PGGT1B: variants seen among roughly 807,000 people sequenced by gnomAD.
PGGT1B encodes geranylgeranyl transferase type-1 subunit beta.
Under a neutral mutation model 46.1 loss-of-function variants are expected in PGGT1B, and 30 were observed. The observed-to-expected ratio is 0.65, with a 90% CI of 0.49 to 0.88. The LOEUF is 0.88. Ranked by LOEUF, PGGT1B falls within the 40% of genes least tolerant of loss-of-function variation. PGGT1B has a pLI of 0.00. For synonymous variants in PGGT1B, 170 were observed against 160.0 expected (o/e 1.06, Z -0.47); for missense variants, 376 against 455.9 (o/e 0.82, Z 1.60).
intron 6 of PGGT1B, among the ~76,000 whole-genome samples, chr5:115,227,277 A>G (rs545991224): frequency 3.3e-5 from 5 of 152,314 alleles, no homozygotes; most frequent in Admixed American, 2.0e-4. Flanking sequence ...TACTGTGTCA[A>G]CTTGGCTAAG....
At chr5:115,226,017 T>G (rs1350653336) in intron 6 of PGGT1B, among the ~76,000 whole-genome samples, 4 of 150,334 alleles carry the variant, frequency 2.7e-5, no homozygotes, top group Non-Finnish European at 4.4e-5. Flanking sequence ...GAAGTAGAGA[T>G]ATTTTAAAAG....
intron 5 of PGGT1B, among the ~76,000 whole-genome samples, chr5:115,235,039 G>T (rs1193395028): frequency 6.6e-6 from 1 of 151,934 alleles, no homozygotes; most frequent in East Asian, 1.9e-4. Context: ...TCAAAGAAAT[G>T]ACTGATTCCA....
chr5:115,213,702 G>C (rs545881659), intron 8 of PGGT1B, among the ~76,000 whole-genome samples: 2 of 152,158 alleles, frequency 1.3e-5, no homozygotes, highest in Non-Finnish European at 2.9e-5. Flanking sequence ...GCCTAGGGAG[G>C]TTGAGGCTGC....
intron 7 of PGGT1B, among the ~76,000 whole-genome samples, chr5:115,219,057 C>G (rs568538170): frequency 6.3e-4 from 96 of 151,992 alleles, no homozygotes; most frequent in Non-Finnish European, 1.3e-3. Context: ...CAATGCAATT[C>G]CCATCAAAAT....
intron 2 of PGGT1B, among the ~76,000 whole-genome samples, chr5:115,247,319 A>G (rs1214760724): frequency 6.6e-6 from 1 of 152,180 alleles, no homozygotes; most frequent in Non-Finnish European, 1.5e-5. Flanking sequence ...GAAATATAAA[A>G]TTGCATTCAA....
At chr5:115,256,921 CT>C (rs1467791492) in intron 1 of PGGT1B, among the ~76,000 whole-genome samples, 3 of 152,186 alleles carry the variant, frequency 2.0e-5, no homozygotes, top group Non-Finnish European at 4.4e-5. Flanking sequence ...TACTTTTTTA[CT>C]TCTTTCAGAG....
chr5:115,224,361 C>T (rs555224423), intron 6 of PGGT1B, among the ~76,000 whole-genome samples: 1 of 152,314 alleles, frequency 6.6e-6, no homozygotes, highest in Admixed American at 6.5e-5. Context: ...TTAATGCAAA[C>T]TGGCACAACT....
chr5:115,248,784 A>G (rs1016715199), intron 2 of PGGT1B, among the ~76,000 whole-genome samples: 1 of 152,188 alleles, frequency 6.6e-6, no homozygotes, highest in African/African-American at 2.4e-5. Flanking sequence ...CATTTGTGTG[A>G]GGTTTCAGAC....
intron 5 of PGGT1B, among the ~76,000 whole-genome samples, chr5:115,235,284 A>G (rs1450220588): frequency 6.6e-6 from 1 of 152,120 alleles, no homozygotes; most frequent in African/African-American, 2.4e-5. Flanking sequence ...AGTATAAGTA[A>G]ATAAATAAAT....
rs139266802 is a variant in PGGT1B, at chr5:115,262,781, C to G, written c.71G>C (p.Arg24Pro). ...GCAGCGCTGGAAAAATCGCACGTGC[C>G]GATCCCGTAAGAAATCCAGCCGCTC... ...EGERLDFLRD[R>P]HVRFFQRCLQ... Residue 24 changes from arginine to proline, a missense_variant, in exon 1 of 9, where the codon CGG becomes CCG. Arg to Pro is a moderately radical substitution (Grantham distance 103). Coordinates refer to ENST00000419445, the MANE Select transcript of PGGT1B (RefSeq NM_005023.4). 9.3e-6 allele frequency: 15 copies of G among 1,613,336 alleles called. No individual in the cohort carries two copies. Among genetic ancestry groups the G allele is most frequent in the African/African-American group, 1.3e-5 (1 of 74,890 alleles).
At chr5:115,232,007 CAGAT>C (rs1397850719) in intron 5 of PGGT1B, among the ~76,000 whole-genome samples, 1 of 152,062 alleles carries the variant, frequency 6.6e-6, no homozygotes, top group African/African-American at 2.4e-5. Flanking sequence ...AGTTCACACA[CAGAT>C]AGCAGACTGT....
intron 1 of PGGT1B, among the ~76,000 whole-genome samples, chr5:115,253,648 T>G (rs1409382074): frequency 1.3e-5 from 2 of 152,024 alleles, no homozygotes; most frequent in Non-Finnish European, 2.9e-5. Flanking sequence ...TCAGGATCAA[T>G]TATAGCTTGT....
In PGGT1B at chr5:115,212,313, A is replaced by C. The variant is rs1203002000; in HGVS notation, c.*89T>G. ...ATTTGATTGTAAGACTCTACCTTTTAAAAAAAGAGCACACTTGGTTATACA... is the reference window on the plus strand; with the variant it reads ...ATTTGATTGTAAGACTCTACCTTTTCAAAAAAGAGCACACTTGGTTATACA... On this transcript the variant is annotated 3_prime_UTR_variant, in exon 9 of 9. Transcript: ENST00000419445. 3 of 1,577,208 alleles carry C rather than the reference A, an allele frequency of 1.9e-6. No homozygotes were observed. In the African/African-American group the frequency reaches 4.1e-5, roughly 21 times the overall value.
At chr5:115,259,007 T>G (rs1428062159) in intron 1 of PGGT1B, among the ~76,000 whole-genome samples, 1 of 152,168 alleles carries the variant, frequency 6.6e-6, no homozygotes, top group African/African-American at 2.4e-5. Flanking sequence ...TAAAACACCA[T>G]ACAGACACTC....
At chr5:115,228,381 C>G (rs1334564824) in intron 6 of PGGT1B, among the ~76,000 whole-genome samples, 2 of 151,920 alleles carry the variant, frequency 1.3e-5, no homozygotes, top group Non-Finnish European at 2.9e-5. Context: ...AAGAAGCAGA[C>G]AATAAACAAA....
chr5:115,223,531 C>G (rs1756654082), intron 6 of PGGT1B, among the ~76,000 whole-genome samples: 1 of 152,096 alleles, frequency 6.6e-6, no homozygotes, highest in East Asian at 1.9e-4. Flanking sequence ...TGGGAAGAGT[C>G]AAGGGACAGA....
chr5:115,226,401 C>T (rs1359037631), intron 6 of PGGT1B, among the ~76,000 whole-genome samples: 1 of 152,084 alleles, frequency 6.6e-6, no homozygotes, highest in African/African-American at 2.4e-5. Context: ...TCAACATGCA[C>T]TATCTCAAGG....
chr5:115,223,581 T>C (rs556302978), intron 6 of PGGT1B, among the ~76,000 whole-genome samples: 1 of 152,304 alleles, frequency 6.6e-6, no homozygotes, highest in East Asian at 1.9e-4. Flanking sequence ...GAGCCGGCCC[T>C]GCTGACATCT....
chr5:115,217,289 ATTTT>A (rs1310101278), intron 7 of PGGT1B, among the ~76,000 whole-genome samples: 42 of 152,036 alleles, frequency 2.8e-4, no homozygotes, highest in Non-Finnish European at 5.2e-4. Flanking sequence ...AAAAAGTACA[ATTTT>A]ATCTACCCAT....
Sources: allele counts gnomAD v4.1 joint callset (sites outside exome capture counted in the v4.1 genomes callset), GRCh38; gene constraint gnomAD v4.1.1; transcripts MANE v1.5; gene names NCBI Gene and HGNC (gene_info 2026-07-23, HGNC 2026-07-21).